A2M: variants seen among roughly 807,000 people sequenced by gnomAD.
The protein encoded by A2M is alpha-2-macroglobulin.
Under a neutral mutation model 183.9 loss-of-function variants are expected in A2M, and 128 were observed. The ratio of observed to expected loss-of-function variants is 0.70; its 90% CI spans 0.60 to 0.81. The LOEUF is 0.81. A2M is among the 30% of genes least tolerant of loss of function. The pLI is 0.00. For missense variants in A2M, 1,495 were observed against 1,787.6 expected, an observed-to-expected ratio of 0.84 and a Z score of 2.95; for synonymous variants, 592 against 670.8, an observed-to-expected ratio of 0.88 and a Z score of 1.81.
intron 12 of A2M, 70 bp from the exon 13 acceptor site, chr12:9,101,277 C>T (rs932899893): frequency 1.4e-6 from 2 of 1,471,738 alleles, no homozygotes; most frequent in South Asian, 1.2e-5. Flanking sequence ...CTTCAATATA[C>T]TTGTTTTATT....
intron 31 of A2M, among the ~76,000 whole-genome samples, chr12:9,072,146 T>A (rs139914194): frequency 3.9e-5 from 6 of 152,344 alleles, no homozygotes; most frequent in African/African-American, 1.4e-4. Context: ...AGGGAAATTA[T>A]TACCCTTTAA....
At chr12:9,113,249 T>G in intron 2 of A2M, 111 bp downstream of exon 2, 1 of 1,112,472 alleles carries the variant, frequency 9.0e-7, no homozygotes, top group Non-Finnish European at 1.3e-6. Context: ...TACATTTGGA[T>G]TCCTTCCTGC....
chr12:9,097,822 G>C (rs139627095), intron 15 of A2M, among the ~76,000 whole-genome samples: 140 of 152,158 alleles, frequency 9.2e-4, no homozygotes, highest in African/African-American at 3.3e-3. Context: ...TAGTAGATAC[G>C]GGGTTTCATT....
intron 34 of A2M, 21 bp downstream of exon 34, chr12:9,068,719 G>A (rs370110696): frequency 2.4e-5 from 37 of 1,540,516 alleles, no homozygotes; most frequent in African/African-American, 6.8e-5. Context: ...ATATTTCTAC[G>A]TGAAAATCAC....
At chr12:9,105,827 C>T (rs932496702) in intron 10 of A2M, among the ~76,000 whole-genome samples, 6 of 152,162 alleles carry the variant, frequency 3.9e-5, no homozygotes, top group African/African-American at 1.4e-4. Flanking sequence ...CACCTACCCA[C>T]CTGTTTCCAT....
At chr12:9,081,363 T>C (rs1948902258) in intron 22 of A2M, among the ~76,000 whole-genome samples, 1 of 152,182 alleles carries the variant, frequency 6.6e-6, no homozygotes, top group Non-Finnish European at 1.5e-5. Flanking sequence ...TATGGAAATG[T>C]ATCCTGGTGG....
intron 15 of A2M, among the ~76,000 whole-genome samples, chr12:9,097,582 TCAGAAATTATGTG>T (rs1377484176): frequency 4.6e-5 from 7 of 151,662 alleles, no homozygotes; most frequent in Non-Finnish European, 1.0e-4. Flanking sequence ...ATATGTTCCC[TCAGAAATTATGTG>T]TAGCTTGGGA....
At position 9,099,231 on chromosome 12, in the gene A2M, T is replaced by A; in HGVS notation, c.1701+150A>T. 5 of 333,486 alleles carry A rather than the reference T, an allele frequency of 1.5e-5. 1 individual carries two copies. Among genetic ancestry groups the A allele is most frequent in the Admixed American group, 6.7e-5 (1 of 14,914 alleles). The allele number at this position is 333,486 out of a possible 1,614,324, so 20.7% of individuals were successfully genotyped here. The stretch of plus-strand genomic sequence containing the variant: ...GTATAAGGAATCAAGTGATTCTGCT[T>A]CTTAGTGTGACTCTGCCACTACCTT... On this transcript the variant is annotated intron_variant, in intron 14 of 35. Transcript: ENST00000318602.
intron 29 of A2M, among the ~76,000 whole-genome samples, chr12:9,073,572 A>G (rs1214970385): frequency 6.6e-6 from 1 of 152,222 alleles, no homozygotes; most frequent in East Asian, 1.9e-4. Context: ...CATTCATATG[A>G]TAAAAGATTA....
intron 17 of A2M, among the ~76,000 whole-genome samples, 152 bp downstream of exon 17, chr12:9,094,821 T>A (rs961706426): frequency 6.6e-6 from 1 of 152,204 alleles, no homozygotes; most frequent in African/African-American, 2.4e-5. Context: ...AGAATTTGAG[T>A]TTATATTACT....
At chr12:9,090,602 T>A in intron 19 of A2M, 120 bp from the exon 20 acceptor site, 1 of 1,014,150 alleles carries the variant, frequency 9.9e-7, no homozygotes, top group Non-Finnish European at 1.4e-6. Flanking sequence ...AAAGATGATA[T>A]AAATGAAGAT....
intron 35 of A2M, 118 bp downstream of exon 35, chr12:9,068,065 C>A: frequency 8.3e-7 from 1 of 1,198,194 alleles, no homozygotes; most frequent in South Asian, 1.4e-5. Context: ...TAATAATGTG[C>A]AGTGTGAGTA....
intron 18 of A2M, 49 bp from the exon 19 acceptor site, chr12:9,091,478 C>T: frequency 6.3e-7 from 1 of 1,587,810 alleles, no homozygotes; most frequent in South Asian, 1.1e-5. Context: ...TTAAATACAT[C>T]CTTTCTAGGG....
In A2M at chr12:9,104,291, A is replaced by G; in HGVS notation, c.1214T>C (p.Val405Ala). 6.2e-7 allele frequency: 1 copy of G among 1,613,436 alleles called. No individual in the cohort carries two copies. The highest frequency in any genetic ancestry group is 8.5e-7 in the Non-Finnish European group (1 of 1,179,622). ...SNATTDEHGL[V>A]QFSINTTNVM... ...ATTGGTGGTGTTGATAGAGAACTGT[A>G]CAAGGCCATGCTCATCCGTGGTAGC... The change falls in exon 11 of 36, where the codon GTA becomes GCA. Residue 405 changes from valine to alanine, a missense_variant. Physicochemically the swap from Val to Ala is moderately conservative, Grantham distance 64 (BLOSUM62 0). Transcript: ENST00000318602.
At position 9,070,551 on chromosome 12, in the gene A2M, G is replaced by A; in HGVS notation, c.4131C>T (p.Asn1377=). ...CCATCTTCACATCAACGATCGCCATGTTGGAGGCAGAGCGGCTCCCTGTGT... is the reference window on the plus strand; with the variant it reads ...CCATCTTCACATCAACGATCGCCATATTGGAGGCAGAGCGGCTCCCTGTGT... ...VSYTGSRSAS[N]MAIVDVKMVS... is the part of the protein sequence containing the mutation. The change falls in exon 32 of 36, where the codon AAC becomes AAT. Residue 1377 remains asparagine (N), a synonymous_variant. Transcript: ENST00000318602. 1 of 1,613,896 alleles carries A rather than the reference G, an allele frequency of 6.2e-7. No homozygotes were observed. Among genetic ancestry groups the A allele is most frequent in the Non-Finnish European group, 8.5e-7 (1 of 1,179,822 alleles).
intron 25 of A2M, 21 bp downstream of exon 25, chr12:9,079,223 A>C: frequency 1.2e-6 from 2 of 1,605,236 alleles, no homozygotes; most frequent in Non-Finnish European, 1.7e-6. Context: ...AAAGAAGCTC[A>C]AAAAATTGTT....
At chr12:9,107,391 TGAAAAA>T in intron 8 of A2M, 127 bp downstream of exon 8, 1 of 1,132,674 alleles carries the variant, frequency 8.8e-7, no homozygotes, top group Non-Finnish European at 1.2e-6. Context: ...TGATTTTTTT[TGAAAAA>T]TTACAATAGC....
chr12:9,069,332 G>T lies in A2M; in HGVS notation c.4263+413C>A, dbSNP rs186585340. Among the ~76,000 whole-genome samples the T allele has an allele frequency of 2.6e-5, 4 of 152,204 alleles. No homozygotes were observed. In the East Asian group the frequency reaches 7.7e-4, roughly 29 times the overall value. On this transcript the variant is annotated intron_variant, in intron 33 of 35. Transcript: ENST00000318602. ...ATCAGATTGGTTTACTGGTGAACTG[G>T]TCTTATTATTTTATGGTTCAAGTCC...
chr12:9,104,225 C>A lies in A2M; in HGVS notation c.1266+14G>T, dbSNP rs778372216. On this transcript the variant is annotated intron_variant, in intron 11 of 35. Transcript: ENST00000318602. ...GGCTACTTCATGTCATTGGTAATTTCTTTCCAAACTTACCCTAACAGTAAG... is the reference window on the plus strand; with the variant it reads ...GGCTACTTCATGTCATTGGTAATTTATTTCCAAACTTACCCTAACAGTAAG... The A allele has an allele frequency of 6.2e-7, 1 of 1,601,840 alleles. No individual in the cohort carries two copies. Among genetic ancestry groups the A allele is most frequent in the Non-Finnish European group, 8.5e-7 (1 of 1,175,404 alleles).
Sources: gnomAD v4.1 joint callset for allele counts (sites outside exome capture counted in the v4.1 genomes callset) on GRCh38, gnomAD v4.1.1 for gene constraint, MANE v1.5 for transcripts, NCBI Gene and HGNC (gene_info 2026-07-23, HGNC 2026-07-21) for gene names.